EFCAB13: variants seen among roughly 807,000 people sequenced by gnomAD.
EFCAB13 encodes EF-hand calcium binding domain 13.
EFCAB13 carries 91 observed loss-of-function variants against 110.2 expected under a neutral mutation model. The ratio of observed to expected loss-of-function variants is 0.83; its 90% CI spans 0.70 to 0.98. EFCAB13 has a LOEUF of 0.98. EFCAB13 is among the 50% of genes least tolerant of loss of function. The pLI, the probability that EFCAB13 is intolerant of heterozygous loss-of-function variation, is 0.00. For synonymous variants in EFCAB13, 323 were observed against 369.9 expected (o/e 0.87, Z 1.45); for missense variants, 968 against 1,119.4 (o/e 0.86, Z 1.93).
intron 23 of EFCAB13, among the ~76,000 whole-genome samples, chr17:47,420,412 T>C (rs1904616109): frequency 1.3e-5 from 2 of 148,346 alleles, no homozygotes; most frequent in South Asian, 4.3e-4. Context: ...CCGCCCATCA[T>C]CTGGGACGTG....
intron 4 of EFCAB13, 49 bp from the exon 5 acceptor site, chr17:47,335,147 A>G: frequency 6.8e-7 from 1 of 1,476,192 alleles, no homozygotes; most frequent in Non-Finnish European, 9.0e-7. Flanking sequence ...CATATTTAAT[A>G]TGTATGTGCA....
At chr17:47,355,570 ATT>A (rs71365066) in intron 9 of EFCAB13, among the ~76,000 whole-genome samples, 14 of 120,338 alleles carry the variant, frequency 1.2e-4, no homozygotes, top group South Asian at 5.4e-4. Context: ...GGCTTTGTTC[ATT>A]TTTTTTTTTT....
intron 23 of EFCAB13, among the ~76,000 whole-genome samples, chr17:47,416,574 TC>T (rs1904454244): frequency 1.3e-5 from 2 of 152,142 alleles, no homozygotes; most frequent in Non-Finnish European, 2.9e-5. Flanking sequence ...TACAACCCTT[TC>T]CCCTTCTCCC....
chr17:47,373,705 T>C (rs1423670158), intron 11 of EFCAB13, among the ~76,000 whole-genome samples: 1 of 152,204 alleles, frequency 6.6e-6, no homozygotes, highest in South Asian at 2.1e-4. Context: ...AGCACCATCT[T>C]TAAGTATTTT....
intron 9 of EFCAB13, among the ~76,000 whole-genome samples, chr17:47,357,356 T>G (rs555403789): frequency 2.7e-4 from 41 of 152,360 alleles, no homozygotes; most frequent in South Asian, 1.7e-3. Flanking sequence ...AATAGCTTAT[T>G]TACTTTCCTG....
In EFCAB13 at chr17:47,425,125, G is replaced by A. The variant is rs371985623; in HGVS notation, c.2495-4693G>A. ...TCTCGATCTCCTGACCTCGTGATCC[G>A]CCCGCCTCGGCCTCCCAAAGTGCTG... On this transcript the variant is annotated intron_variant, in intron 23 of 24. Transcript: ENST00000331493. 4.2e-3 allele frequency among the ~76,000 whole-genome samples: 630 copies of A among 150,978 alleles called. 18 individuals are homozygous for A. The East Asian group carries it at 0.064, about 15-fold the overall frequency.
rs1466589257 is a variant in EFCAB13, at chr17:47,347,927, G to T, written c.637G>T (p.Ala213Ser). The change falls in exon 9 of 25, where the codon GCA becomes TCA. Residue 213 changes from alanine to serine, a missense_variant. Transcript: ENST00000331493. The part of the protein sequence containing the change: ...ISISDLEMRQ[A>S]LKTVDIDAFQ... ...TATAAGTGATTTAGAAATGCGACAG[G>T]CACTAAAGACTGTTGATATTGATGG... 12 of 1,528,198 alleles carry T rather than the reference G, an allele frequency of 7.9e-6. 1 individual carries two copies. In the East Asian group the frequency reaches 2.8e-4, roughly 35 times the overall value. 94.7% of individuals were successfully genotyped at this position (1,528,198 alleles called of 1,614,324 possible).
At chr17:47,370,270 T>C (rs765952538) in intron 10 of EFCAB13, among the ~76,000 whole-genome samples, 167 bp from the exon 11 acceptor site, 2 of 152,208 alleles carry the variant, frequency 1.3e-5, no homozygotes, top group Non-Finnish European at 2.9e-5. Flanking sequence ...ATGTTGGGCG[T>C]GTACTGAGTT....
At chr17:47,436,184 G>T (rs1905210420) in intron 24 of EFCAB13, among the ~76,000 whole-genome samples, 1 of 152,098 alleles carries the variant, frequency 6.6e-6, no homozygotes, top group Non-Finnish European at 1.5e-5. Context: ...CTAGTATTTT[G>T]TTAGGGATTT....
chr17:47,420,150 G>A (rs1175979765), intron 23 of EFCAB13, among the ~76,000 whole-genome samples: 2 of 152,242 alleles, frequency 1.3e-5, no homozygotes, highest in African/African-American at 4.8e-5. Flanking sequence ...GGGTTTCGCT[G>A]TGTTGGCCGG....
At chr17:47,328,490 A>G in intron 4 of EFCAB13, 107 bp downstream of exon 4, 5 of 887,882 alleles carry the variant, frequency 5.6e-6, no homozygotes, top group African/African-American at 1.7e-5. Context: ...AGTAATAGTT[A>G]TAAGGAACCT....
intron 14 of EFCAB13, among the ~76,000 whole-genome samples, chr17:47,390,916 C>CT (rs113308322): frequency 0.058 from 8,574 of 146,576 alleles, 299 homozygotes; most frequent in East Asian, 0.13. Flanking sequence ...GTCTGTCTGT[C>CT]TATCTATCTA....
At chr17:47,339,398 A>G (rs1169059419) in intron 5 of EFCAB13, among the ~76,000 whole-genome samples, 1 of 152,092 alleles carries the variant, frequency 6.6e-6, no homozygotes, top group Non-Finnish European at 1.5e-5. Flanking sequence ...AAACTGTTCC[A>G]CCTCAGAAGA....
At chr17:47,338,005 C>T (rs1227637863) in intron 5 of EFCAB13, among the ~76,000 whole-genome samples, 2 of 151,824 alleles carry the variant, frequency 1.3e-5, no homozygotes, top group Non-Finnish European at 2.9e-5. Flanking sequence ...CCTCTTTGGG[C>T]CTGATAATTT....
chr17:47,435,426 TA>T (rs1905193847), intron 24 of EFCAB13, among the ~76,000 whole-genome samples: 1 of 152,152 alleles, frequency 6.6e-6, no homozygotes, highest in Non-Finnish European at 1.5e-5. Context: ...GGTGGGAGTG[TA>T]AACTAATAAA....
chr17:47,335,410 A>C, intron 5 of EFCAB13, 54 bp downstream of exon 5: 1 of 1,437,872 alleles, frequency 7.0e-7, no homozygotes, highest in South Asian at 1.4e-5. Context: ...GCAAGTTAAG[A>C]ATGCCAAAAT....
intron 24 of EFCAB13, among the ~76,000 whole-genome samples, chr17:47,433,023 C>T (rs1000449363): frequency 6.6e-6 from 1 of 152,138 alleles, no homozygotes; most frequent in Non-Finnish European, 1.5e-5. Context: ...CTTGTTTTCA[C>T]TAATGTTCTT....
At chr17:47,338,944 TAAA>T (rs1005997466) in intron 5 of EFCAB13, among the ~76,000 whole-genome samples, 2 of 152,098 alleles carry the variant, frequency 1.3e-5, no homozygotes, top group African/African-American at 2.4e-5. Flanking sequence ...ATTTGTCAAT[TAAA>T]AATAAATTTA....
intron 23 of EFCAB13, among the ~76,000 whole-genome samples, chr17:47,420,861 T>G (rs1598762263): frequency 7.1e-6 from 1 of 140,084 alleles, no homozygotes; most frequent in African/African-American, 2.8e-5. Context: ...GGGAGGGAGG[T>G]GGGGGGGTCA....
Sources: allele counts gnomAD v4.1 joint callset (sites outside exome capture counted in the v4.1 genomes callset), GRCh38; gene constraint gnomAD v4.1.1; transcripts MANE v1.5; gene names NCBI Gene and HGNC (gene_info 2026-07-23, HGNC 2026-07-21).